The following GCSAML variants were observed in gnomAD, a reference collection of about 807,000 sequenced individuals.
The protein encoded by GCSAML is germinal center-associated signaling and motility-like protein.
A neutral mutation model predicts 13.0 loss-of-function variants in GCSAML; 9 were observed. The ratio of observed to expected loss-of-function variants is 0.69; its 90% confidence interval spans 0.42 to 1.21. The LOEUF (loss-of-function observed/expected upper bound fraction) is 1.21, where lower values mean the gene tolerates loss of function less well. GCSAML is among the 50% of genes most tolerant of loss of function. The probability of loss-of-function intolerance (pLI) is 0.00; values close to 1 mark genes in which losing one functional copy is unlikely to be tolerated. For synonymous variants in GCSAML, 37 were observed against 52.9 expected, an observed-to-expected ratio of 0.70 and a Z score of 1.31; for missense variants, 143 against 153.4, an observed-to-expected ratio of 0.93 and a Z score of 0.36.
chr1:247,557,594 T>C (rs1667999232), intron 2 of GCSAML, among the ~76,000 whole-genome samples: 1 of 152,164 alleles, frequency 6.6e-6, no homozygotes, highest in Non-Finnish European at 1.5e-5. Flanking sequence ...AGGTATCTGT[T>C]GGTGATGTGA....
upstream of GCSAML, among the ~76,000 whole-genome samples, chr1:247,546,284 T>A (rs2103029060): frequency 6.6e-6 from 1 of 152,314 alleles, no homozygotes; most frequent in Non-Finnish European, 1.5e-5. Flanking sequence ...GCAATCCTCC[T>A]GCTTCAGCCT....
chr1:247,568,103 T>G (rs956767397), intron 4 of GCSAML, among the ~76,000 whole-genome samples: 3 of 152,002 alleles, frequency 2.0e-5, no homozygotes. Flanking sequence ...GATTGCAAAA[T>G]TTTTCTCCCA....
At chr1:247,507,567 G>A (rs1031729765) in intron 1 of GCSAML, among the ~76,000 whole-genome samples, 1 of 152,102 alleles carries the variant, frequency 6.6e-6, no homozygotes, top group East Asian at 1.9e-4. Context: ...TACACGTGCA[G>A]AAAGTGCAGG....
rs1667942499 is a variant in GCSAML at position 247,556,272 on chromosome 1, G to A, written c.30-135G>A. 15 of 645,838 alleles carry A rather than the reference G, an allele frequency of 2.3e-5. No homozygotes were observed. In the South Asian group the frequency reaches 2.5e-4, roughly 11 times the overall value. The allele number at this position is 645,838 out of a possible 1,614,324, so 40.0% of individuals were successfully genotyped here. ...TGCATTCTATCTGTGACTGCTTATT[G>A]ATTTTGAAGGAAAGGGAAGTTTGTC... On this transcript the variant is annotated intron_variant, in intron 1 of 4. Coordinates refer to ENST00000366488, the MANE Select transcript of GCSAML (RefSeq NM_145278.5).
chr1:247,573,045 C>T (rs59849117), intron 4 of GCSAML, among the ~76,000 whole-genome samples: 11,916 of 152,228 alleles, frequency 0.078, 635 homozygotes, highest in African/African-American at 0.15. Context: ...TGTCCCAGGT[C>T]GACTTCAGAC....
At chr1:247,534,268 C>T (rs1384291976) in intron 2 of GCSAML, among the ~76,000 whole-genome samples, 1 of 152,168 alleles carries the variant, frequency 6.6e-6, no homozygotes, top group African/African-American at 2.4e-5. Context: ...TCTGGGTCCC[C>T]AGTGTCTAAC....
chr1:247,556,706 C>T (rs1572355914), intron 2 of GCSAML, among the ~76,000 whole-genome samples: 1 of 152,090 alleles, frequency 6.6e-6, no homozygotes, highest in Non-Finnish European at 1.5e-5. Flanking sequence ...AGTGTAGAAA[C>T]ATAAAGATAG....
chr1:247,530,738 C>G (rs1308755721), intron 2 of GCSAML: 1 of 153,330 alleles, frequency 6.5e-6, no homozygotes, highest in East Asian at 1.9e-4. Flanking sequence ...GAAATACGAC[C>G]CGTCAGGACT....
At chr1:247,566,229 G>A (rs1007814231) in intron 4 of GCSAML, among the ~76,000 whole-genome samples, 2 of 152,068 alleles carry the variant, frequency 1.3e-5, no homozygotes, top group Non-Finnish European at 2.9e-5. Flanking sequence ...CAATTCTGCT[G>A]AAGTCTAATT....
chr1:247,521,578 C>T (rs1008987337), intron 1 of GCSAML, among the ~76,000 whole-genome samples: 12 of 152,196 alleles, frequency 7.9e-5, no homozygotes, highest in Admixed American at 5.9e-4. Flanking sequence ...GACGGGGTTT[C>T]GCTGTGTTGG....
At chr1:247,548,819 G>A (rs1667665930), upstream of GCSAML, among the ~76,000 whole-genome samples, 1 of 152,182 alleles carries the variant, frequency 6.6e-6, no homozygotes, top group African/African-American at 2.4e-5. The surrounding 1 kb of genome is among the most constrained non-coding windows in gnomAD (Gnocchi z 5.3). Context: ...GGAGGAATAG[G>A]GAAGTCCTTA....
intron 1 of GCSAML, among the ~76,000 whole-genome samples, chr1:247,521,641 T>C (rs1666434451): frequency 6.6e-6 from 1 of 152,218 alleles, no homozygotes. Flanking sequence ...CTCGGCCTCC[T>C]GAGGTGCTGG....
At chr1:247,513,718 T>A (rs1167176997) in intron 1 of GCSAML, among the ~76,000 whole-genome samples, 1 of 152,158 alleles carries the variant, frequency 6.6e-6, no homozygotes, top group Non-Finnish European at 1.5e-5. Context: ...CAGTGCACCA[T>A]TCCTCAGGGC....
At chr1:247,531,799 G>A (rs1184956535) in intron 2 of GCSAML, 2 of 1,614,160 alleles carry the variant, frequency 1.2e-6, no homozygotes, top group Non-Finnish European at 1.7e-6. Context: ...GGTGTTGAAT[G>A]CCTTTCTCCG....
chr1:247,558,708 T>C (rs1269195241), intron 2 of GCSAML, among the ~76,000 whole-genome samples: 1 of 152,240 alleles, frequency 6.6e-6, no homozygotes, highest in African/African-American at 2.4e-5. Context: ...TCAACTTTTC[T>C]TGTTTAGGAA....
chr1:247,530,520 C>CCCT (rs1416290260), intron 2 of GCSAML: 1 of 138,994 alleles, frequency 7.2e-6, no homozygotes, highest in Non-Finnish European at 1.6e-5. Context: ...CATGCCATCC[C>CCCT]CCCCCCACAA....
chr1:247,525,204 A>G (rs1206625048), intron 1 of GCSAML: 2 of 152,206 alleles, frequency 1.3e-5, no homozygotes, highest in African/African-American at 4.8e-5. Flanking sequence ...GACTTCTGTG[A>G]CTAAAGGTGA....
intron 2 of GCSAML, among the ~76,000 whole-genome samples, chr1:247,532,972 A>C (rs906931941): frequency 6.6e-6 from 1 of 152,172 alleles, no homozygotes; most frequent in African/African-American, 2.4e-5. Flanking sequence ...ATCTATATGC[A>C]ACCTAAATGT....
At chr1:247,533,609 G>A (rs887194188) in intron 2 of GCSAML, 3 of 152,160 alleles carry the variant, frequency 2.0e-5, no homozygotes, top group African/African-American at 7.2e-5. Flanking sequence ...ATCTCACGAT[G>A]GGTCTTGCTG....
Sources: gnomAD v4.1 joint callset for allele counts (sites outside exome capture counted in the v4.1 genomes callset) on GRCh38, gnomAD v4.1.1 for gene constraint, Gnocchi (gnomAD v3.1) non-coding constraint, MANE v1.5 for transcripts, NCBI Gene and HGNC (gene_info 2026-07-23, HGNC 2026-07-21) for gene names.